The following RPS6KC1 variants were observed in gnomAD, a reference collection of about 807,000 sequenced individuals.
RPS6KC1 encodes the protein ribosomal protein S6 kinase C1, also known as inactive ribosomal protein S6 kinase delta-1.
A neutral mutation model predicts 103.8 loss-of-function variants in RPS6KC1; 54 were observed. The observed-to-expected ratio is 0.52, with a 90% CI of 0.42 to 0.65. The LOEUF (loss-of-function observed/expected upper bound fraction) is 0.65, where lower values mean the gene tolerates loss of function less well. Ranked by LOEUF, RPS6KC1 falls within the 30% of genes least tolerant of loss-of-function variation. The pLI is 0.00. For missense variants in RPS6KC1, 1,151 were observed against 1,253.8 expected (o/e 0.92, Z 1.24); for synonymous variants, 439 against 438.7 (o/e 1.00, Z -0.01).
chr1:213,402,302 C>T, the RPS6KC1 span, among the ~76,000 whole-genome samples: 10 of 152,276 alleles, frequency 6.6e-5, 1 homozygote, highest in African/African-American at 9.6e-5. Flanking sequence ...TCCCAGATGC[C>T]GCCAGCTGGT....
At chr1:213,689,627 G>A in the RPS6KC1 span, among the ~76,000 whole-genome samples, 2 of 152,192 alleles carry the variant, frequency 1.3e-5, no homozygotes, top group African/African-American at 2.4e-5. Context: ...TGTAAGGCAA[G>A]CTCAAACTTC....
the RPS6KC1 span, among the ~76,000 whole-genome samples, chr1:213,428,513 C>T: frequency 5.4e-5 from 3 of 55,102 alleles, no homozygotes; most frequent in Non-Finnish European, 1.1e-4. Context: ...TTCCTTCCTT[C>T]CTTCCTCTTT....
chr1:213,472,274 C>T, the RPS6KC1 span, among the ~76,000 whole-genome samples: 1 of 152,180 alleles, frequency 6.6e-6, no homozygotes, highest in Non-Finnish European at 1.5e-5. Context: ...CTATTCAGAT[C>T]ATATCTGTCT....
At chr1:213,455,424 G>T in the RPS6KC1 span, among the ~76,000 whole-genome samples, 1 of 152,210 alleles carries the variant, frequency 6.6e-6, no homozygotes, top group Non-Finnish European at 1.5e-5. Context: ...GGATGCTGAT[G>T]CTAGACCAAA....
the RPS6KC1 span, among the ~76,000 whole-genome samples, chr1:213,494,002 A>C: frequency 6.6e-6 from 1 of 152,120 alleles, no homozygotes; most frequent in Admixed American, 6.5e-5. Context: ...ATCTGGGTGT[A>C]GAGGCTGTCA....
At chr1:213,505,914 T>C in the RPS6KC1 span, among the ~76,000 whole-genome samples, 3 of 152,150 alleles carry the variant, frequency 2.0e-5, no homozygotes, top group African/African-American at 7.2e-5. Flanking sequence ...CTGATTTTTC[T>C]TAAAGGGAGA....
At chr1:213,806,565 GT>G in the RPS6KC1 span, among the ~76,000 whole-genome samples, 1 of 146,460 alleles carries the variant, frequency 6.8e-6, no homozygotes, top group Admixed American at 6.8e-5. Context: ...ATCTTTGTTG[GT>G]TTAAAGTCTG....
the RPS6KC1 span, among the ~76,000 whole-genome samples, chr1:213,483,971 G>T: frequency 1.3e-5 from 2 of 152,140 alleles, no homozygotes; most frequent in Non-Finnish European, 2.9e-5. Flanking sequence ...CAGGTGTAGA[G>T]GGGATAGGCC....
the RPS6KC1 span, among the ~76,000 whole-genome samples, chr1:213,752,455 A>G: frequency 6.6e-6 from 1 of 152,212 alleles, no homozygotes; most frequent in Non-Finnish European, 1.5e-5. Flanking sequence ...CCAGCTCTTA[A>G]CCTAGTCATA....
chr1:213,558,138 C>G, the RPS6KC1 span, among the ~76,000 whole-genome samples: 1 of 152,214 alleles, frequency 6.6e-6, no homozygotes, highest in Non-Finnish European at 1.5e-5. Flanking sequence ...TTTACAGAGG[C>G]TTTTCTTCCA....
At chr1:213,151,785 C>A in intron 6 of RPS6KC1, among the ~76,000 whole-genome samples, 1 of 120,452 alleles carries the variant, frequency 8.3e-6, no homozygotes, top group Non-Finnish European at 1.7e-5. Context: ...GGGGGCTGAC[C>A]CCCCCCACCT....
the RPS6KC1 span, among the ~76,000 whole-genome samples, chr1:213,458,061 G>A: frequency 1.3e-5 from 2 of 152,098 alleles, no homozygotes; most frequent in African/African-American, 2.4e-5. Flanking sequence ...GGTATATTGC[G>A]TGATGCTGAG....
At chr1:213,710,003 G>A in the RPS6KC1 span, among the ~76,000 whole-genome samples, 6 of 152,260 alleles carry the variant, frequency 3.9e-5, no homozygotes, top group Admixed American at 3.3e-4. Flanking sequence ...CTGTTGATTT[G>A]GGTTGGAGAG....
chr1:213,126,453 G>T (rs1322070881), intron 5 of RPS6KC1, among the ~76,000 whole-genome samples: 1 of 151,966 alleles, frequency 6.6e-6, no homozygotes, highest in African/African-American at 2.4e-5. Context: ...TGAAAATGAG[G>T]ATATATATTG....
At chr1:213,565,175 A>G in the RPS6KC1 span, among the ~76,000 whole-genome samples, 1 of 152,178 alleles carries the variant, frequency 6.6e-6, no homozygotes, top group East Asian at 1.9e-4. Context: ...TATATTAGAA[A>G]TGTAAAATTG....
In RPS6KC1 at chr1:213,210,897, A is replaced by T. The variant is rs564926043; in HGVS notation, c.1045-19600A>T. Among the ~76,000 whole-genome samples, 6 of 152,348 alleles carry T rather than the reference A, an allele frequency of 3.9e-5. No homozygotes were observed. The South Asian group carries it at 1.2e-3, about 32-fold the overall frequency. ...CTTCTGTGTCTGTTATCATTATGAG[A>T]GAACATTTATTAACTGTCTGACTAC... is the stretch of plus-strand genomic sequence containing the variant. On this transcript the variant is annotated intron_variant, in intron 8 of 14. Transcript: ENST00000366960.
the RPS6KC1 span, among the ~76,000 whole-genome samples, chr1:213,435,213 C>G: frequency 6.6e-6 from 1 of 152,070 alleles, no homozygotes; most frequent in African/African-American, 2.4e-5. Context: ...AGTTTTCTTT[C>G]TAGAAATTTA....
the RPS6KC1 span, among the ~76,000 whole-genome samples, chr1:213,585,401 C>T: frequency 6.6e-6 from 1 of 152,200 alleles, no homozygotes; most frequent in Non-Finnish European, 1.5e-5. Flanking sequence ...CCCTCCTCCC[C>T]TGCTCCCAGG....
At chr1:213,674,257 G>T in the RPS6KC1 span, among the ~76,000 whole-genome samples, 1 of 152,130 alleles carries the variant, frequency 6.6e-6, no homozygotes, top group African/African-American at 2.4e-5. Flanking sequence ...AATCTCAGGT[G>T]GTCCACCCAC....
Sources: allele counts gnomAD v4.1 joint callset (sites outside exome capture counted in the v4.1 genomes callset), GRCh38; gene constraint gnomAD v4.1.1; transcripts MANE v1.5; gene names NCBI Gene and HGNC (gene_info 2026-07-23, HGNC 2026-07-21).